Variants in TEX48 observed in about 807,000 individuals in gnomAD.
TEX48 encodes testis expressed 48, also known as testis-expressed protein 48.
A neutral mutation model predicts 13.2 loss-of-function variants in TEX48; 10 were observed. That is an observed-to-expected ratio of 0.75 (90% CI 0.47 to 1.28). TEX48 has a LOEUF of 1.28. TEX48 is among the 50% of genes most tolerant of loss of function. The pLI, the probability that TEX48 is intolerant of heterozygous loss-of-function variation, is 0.00. For synonymous variants in TEX48, 45 were observed against 52.3 expected (o/e 0.86, Z 0.60); for missense variants, 116 against 139.4 (o/e 0.83, Z 0.84).
Position 114,668,237 on chromosome 9 carries a change from C to CT in TEX48, c.227dup (p.Ser77GlufsTer8), listed in dbSNP as rs1260244729. The stretch of plus-strand genomic sequence containing the variant: ...ACTCACTGCTGCTGGAGGAAGTGCT[C>CT]TTTTTTGTCTGGATCAGGGGTGTTC... On this transcript the variant is annotated frameshift_variant, in exon 4 of 5. Coordinates refer to ENST00000436752, the MANE Select transcript of TEX48 (RefSeq NM_001199233.2). LOFTEE classifies it low-confidence loss of function (END_TRUNC). 1.3e-6 allele frequency: 2 copies of CT among 1,535,516 alleles called. No homozygotes were observed. The highest frequency in any genetic ancestry group is 2.4e-5 in the East Asian group (1 of 40,926).
Position 114,671,595 on chromosome 9 carries a change from G to A in TEX48, c.5-90C>T, listed in dbSNP as rs1006452585. ...ATTGACTGTGGTGGGGGTATCATTG[G>A]GTCAGCCTCTCCCAAGGCATTAATA... is the stretch of plus-strand genomic sequence containing the variant. On this transcript the variant is annotated intron_variant, in intron 2 of 4. Coordinates refer to ENST00000436752, the MANE Select transcript of TEX48 (RefSeq NM_001199233.2). 3 of 1,523,334 alleles carry A rather than the reference G, an allele frequency of 2.0e-6. No individual in the cohort carries two copies. The African/African-American group carries it at 4.1e-5, about 21-fold the overall frequency. 94.4% of individuals were successfully genotyped at this position (1,523,334 alleles called of 1,614,324 possible).
At chr9:114,669,035 T>C (rs1827894016) in intron 3 of TEX48, among the ~76,000 whole-genome samples, 1 of 151,798 alleles carries the variant, frequency 6.6e-6, no homozygotes, top group East Asian at 1.9e-4. Context: ...GGAGCGGGAG[T>C]CTCACTATGT....
chr9:114,671,841 A>G lies in TEX48; in HGVS notation c.-104-14T>C. On this transcript the variant is annotated splice_polypyrimidine_tract_variant and intron_variant, in intron 1 of 4. Transcript: ENST00000436752. ...CTGGGCTGTTTCCTAAGTAAACATA[A>G]GACCGTGGCTGAAAAATGCTAGTCC... 1 of 1,165,632 alleles carries G rather than the reference A, an allele frequency of 8.6e-7. No individual in the cohort carries two copies. Among genetic ancestry groups the G allele is most frequent in the East Asian group, 2.5e-5 (1 of 39,244 alleles). 72.2% of individuals were successfully genotyped at this position (1,165,632 alleles called of 1,614,324 possible). A position where few individuals can be genotyped will look rare whatever the true frequency, so the allele number is the denominator to read the frequency against.
At chr9:114,670,358 T>C (rs1390655659) in intron 3 of TEX48, among the ~76,000 whole-genome samples, 1 of 152,160 alleles carries the variant, frequency 6.6e-6, no homozygotes, top group African/African-American at 2.4e-5. Flanking sequence ...GACCCTCACA[T>C]GTGGATTTCT....
intron 4 of TEX48, among the ~76,000 whole-genome samples, chr9:114,667,628 G>T (rs939858360): frequency 6.6e-6 from 1 of 152,124 alleles, no homozygotes; most frequent in African/African-American, 2.4e-5. Context: ...CGCCAGGTGC[G>T]GTGGTTACAC....
rs113359630 is a variant in TEX48, at chr9:114,671,442, T to C, written c.68A>G (p.Tyr23Cys). Residue 23 changes from tyrosine (Y) to cysteine (C), a missense_variant, in exon 3 of 5, where the codon TAT becomes TGT. Coordinates refer to ENST00000436752, the MANE Select transcript of TEX48 (RefSeq NM_001199233.2). ...GGGAACCTTGGAGTCATTGATGGCA[T>C]AGGGCTCCTGACAGTCCCTGCAGCA... ...CLCCRDCQEP[Y>C]AINDSKVPSQ... is the part of the protein sequence containing the mutation. 34 of 1,535,592 alleles carry C rather than the reference T, an allele frequency of 2.2e-5. No homozygotes were observed. Among genetic ancestry groups the C allele is most frequent in the African/African-American group, 2.2e-4 (16 of 73,150 alleles).
intron 1 of TEX48, among the ~76,000 whole-genome samples, chr9:114,681,182 A>T (rs138539928): frequency 3.9e-5 from 6 of 152,342 alleles, no homozygotes; most frequent in Non-Finnish European, 8.8e-5. Flanking sequence ...AATTAAAAAT[A>T]AACCGTGGAG....
intron 4 of TEX48, among the ~76,000 whole-genome samples, chr9:114,667,283 A>G (rs956624673): frequency 3.3e-5 from 5 of 152,180 alleles, no homozygotes; most frequent in African/African-American, 1.2e-4. Context: ...CTTAGTTCTC[A>G]ACAGGACTCC....
intron 1 of TEX48, among the ~76,000 whole-genome samples, chr9:114,677,114 C>T (rs555446174): frequency 3.9e-5 from 6 of 152,290 alleles, no homozygotes; most frequent in South Asian, 2.1e-4. Flanking sequence ...AGATACGATG[C>T]GGGCTAGACA....
intron 1 of TEX48, 21 bp from the exon 2 acceptor site, chr9:114,671,848 G>T: frequency 9.0e-7 from 1 of 1,106,314 alleles, no homozygotes; most frequent in South Asian, 1.4e-5. Context: ...ATAAGACCGT[G>T]GCTGAAAAAT....
intron 1 of TEX48, among the ~76,000 whole-genome samples, chr9:114,679,445 T>C (rs923917599): frequency 1.1e-4 from 17 of 152,050 alleles, no homozygotes; most frequent in African/African-American, 4.1e-4. Flanking sequence ...CAGCTGTCCA[T>C]ATCTGTCTAC....
Position 114,674,599 on chromosome 9 carries a change from T to TC in TEX48, c.-104-2773_-104-2772insG, listed in dbSNP as rs1373140678. ...CTTTCTTTTTTTCTCTTTTCTCTTT[T>TC]TCTTTCCTTCCTTCCTTCCTTCCTT... On this transcript the variant is annotated intron_variant, in intron 1 of 4. Transcript: ENST00000436752. Among the ~76,000 whole-genome samples, 54 of 132,820 alleles carry TC rather than the reference T, an allele frequency of 4.1e-4. 1 individual carries two copies. The highest frequency in any genetic ancestry group is 8.9e-4 in the African/African-American group (31 of 34,694). 87.1% of individuals were successfully genotyped at this position (132,820 alleles called of 152,430 possible).
chr9:114,677,124 A>C (rs1213626003), intron 1 of TEX48, among the ~76,000 whole-genome samples: 2 of 152,296 alleles, frequency 1.3e-5, no homozygotes, highest in East Asian at 3.9e-4. Context: ...CGGGCTAGAC[A>C]CATACAGATG....
chr9:114,669,630 G>A (rs567713685), intron 3 of TEX48, among the ~76,000 whole-genome samples: 7 of 152,204 alleles, frequency 4.6e-5, no homozygotes, highest in African/African-American at 1.7e-4. Flanking sequence ...TAATAGAGAC[G>A]GGGTTTCTCC....
At chr9:114,680,898 C>T (rs1357848550) in intron 1 of TEX48, among the ~76,000 whole-genome samples, 1 of 152,190 alleles carries the variant, frequency 6.6e-6, no homozygotes, top group Non-Finnish European at 1.5e-5. Flanking sequence ...ACTGCTGCCT[C>T]TGAAACACCA....
At chr9:114,672,794 C>G (rs62579742) in intron 1 of TEX48, among the ~76,000 whole-genome samples, 11,929 of 151,850 alleles carry the variant, frequency 0.079, 580 homozygotes, top group Non-Finnish European at 0.1. Flanking sequence ...GTAGATGGAG[C>G]GATATAATAT....
intron 3 of TEX48, among the ~76,000 whole-genome samples, chr9:114,669,868 C>T (rs1354272467): frequency 1.3e-5 from 2 of 152,170 alleles, no homozygotes; most frequent in Non-Finnish European, 2.9e-5. Flanking sequence ...GCCACTGTGC[C>T]CGGCCCAGAT....
chr9:114,667,318 A>G (rs1467030751), intron 4 of TEX48, among the ~76,000 whole-genome samples: 3 of 152,160 alleles, frequency 2.0e-5, no homozygotes, highest in African/African-American at 7.2e-5. Context: ...GTTATGTGAG[A>G]CCACCTGGGG....
In TEX48 at chr9:114,666,701, A is replaced by G. The variant is rs1335652788; in HGVS notation, c.305T>C (p.Leu102Ser). Residue 102 changes from leucine to serine, a missense_variant, in exon 5 of 5, where the codon TTA becomes TCA. Physicochemically the swap from Leu to Ser is moderately radical, Grantham distance 145. Transcript: ENST00000436752. ...CCAGTGCTCCTGGCAGTAGCGGTTT[A>G]AGTTTCTCTTGTAAAAATTTCTTTG... is the stretch of plus-strand genomic sequence containing the variant. The part of the protein sequence containing the change: ...ASQRNFYKRN[L>S]NRYCQEHWPF... 1.3e-6 allele frequency: 2 copies of G among 1,535,190 alleles called. No homozygotes were observed. The highest frequency in any genetic ancestry group is 2.7e-5 in the African/African-American group (2 of 73,026).
Sources: allele counts gnomAD v4.1 joint callset (sites outside exome capture counted in the v4.1 genomes callset), GRCh38; gene constraint gnomAD v4.1.1; transcripts MANE v1.5; gene names NCBI Gene and HGNC (gene_info 2026-07-23, HGNC 2026-07-21).